OPN5: variants seen among roughly 807,000 people sequenced by gnomAD.
The protein encoded by OPN5 is opsin-5.
In OPN5, 18 loss-of-function variants were observed where a neutral mutation model predicts 41.7. The ratio of observed to expected loss-of-function variants is 0.43; its 90% CI spans 0.30 to 0.64. The LOEUF is 0.64. Among genes scored for constraint, OPN5 ranks in the 30% least tolerant of loss-of-function variants. The probability of loss-of-function intolerance (pLI) is 0.13; values close to 1 mark genes in which losing one functional copy is unlikely to be tolerated. For missense variants in OPN5, 318 were observed against 434.5 expected (o/e 0.73, Z 2.38); for synonymous variants, 178 against 164.3 (o/e 1.08, Z -0.64).
Position 47,814,584 on chromosome 6 carries a change from A to AG in OPN5, c.1056+2854dup, listed in dbSNP as rs201703946. 6.4e-3 allele frequency among the ~76,000 whole-genome samples: 973 copies of AG among 152,202 alleles called. 8 individuals carry two copies. Among genetic ancestry groups the AG allele is most frequent in the Admixed American group, 6.4e-3 (98 of 15,272 alleles). On this transcript the variant is annotated intron_variant, in intron 6 of 6. Coordinates refer to ENST00000371211, the Ensembl canonical transcript of OPN5. Reference sequence around the variant, plus strand: ...AGCTGGGAGGCACCAGAATTGATAGAGATGTGGTCCTTGGGGTAGAATGGA... The same window carrying AG: ...AGCTGGGAGGCACCAGAATTGATAGAGGATGTGGTCCTTGGGGTAGAATGGA...
intron 6 of OPN5, among the ~76,000 whole-genome samples, chr6:47,823,202 A>G (rs1209113982): frequency 2.0e-5 from 3 of 152,226 alleles, no homozygotes; most frequent in Non-Finnish European, 4.4e-5. Context: ...CAGAAAAGGC[A>G]GAGTCAGGGG....
chr6:47,813,113 C>CAACAACAACAAA (rs1341179581), intron 6 of OPN5, among the ~76,000 whole-genome samples: 5 of 114,486 alleles, frequency 4.4e-5, no homozygotes, highest in African/African-American at 1.4e-4. Context: ...ACAACAACAA[C>CAACAACAACAAA]AAGCAACAAC....
chr6:47,811,745 T>C lies in OPN5; in HGVS notation c.1056+14T>C. 6.4e-7 allele frequency: 1 copy of C among 1,560,480 alleles called. No individual in the cohort carries two copies. Among genetic ancestry groups the C allele is most frequent in the East Asian group, 2.2e-5 (1 of 44,616 alleles). On this transcript the variant is annotated intron_variant, in intron 6 of 6. Transcript: ENST00000371211. ...ATTCATGAAGAGGTATGAAGATGGATACAGCATCACTATGGACACTCGTAT... is the reference window on the plus strand; with the variant it reads ...ATTCATGAAGAGGTATGAAGATGGACACAGCATCACTATGGACACTCGTAT...
intron 1 of OPN5, among the ~76,000 whole-genome samples, chr6:47,785,412 A>G (rs1437641836): frequency 6.6e-6 from 1 of 152,194 alleles, no homozygotes; most frequent in Admixed American, 6.5e-5. Flanking sequence ...AGCACAATGC[A>G]GTTAGTTCCT....
At chr6:47,816,051 A>G (rs1247165798) in intron 6 of OPN5, among the ~76,000 whole-genome samples, 1 of 152,154 alleles carries the variant, frequency 6.6e-6, no homozygotes, top group Non-Finnish European at 1.5e-5. Context: ...TCTTTCAGGT[A>G]TACACGTGCT....
intron 4 of OPN5, among the ~76,000 whole-genome samples, chr6:47,806,881 G>A (rs1328334577): frequency 6.6e-6 from 1 of 152,230 alleles, no homozygotes; most frequent in Non-Finnish European, 1.5e-5. Context: ...CAGTAGGCCA[G>A]GCGCGATGGC....
intron 4 of OPN5, among the ~76,000 whole-genome samples, chr6:47,798,688 A>G (rs1773659160): frequency 6.6e-6 from 1 of 152,060 alleles, no homozygotes; most frequent in African/African-American, 2.4e-5. Flanking sequence ...AGAAAATGTA[A>G]GACAAAATTT....
intron 6 of OPN5, among the ~76,000 whole-genome samples, chr6:47,817,302 G>T (rs765591822): frequency 1.3e-5 from 2 of 152,124 alleles, no homozygotes; most frequent in Non-Finnish European, 2.9e-5. Flanking sequence ...ACTTCTTACT[G>T]TAGATTTTTT....
chr6:47,787,040 T>C (rs1773213944), intron 2 of OPN5: 16 of 988,800 alleles, frequency 1.6e-5, no homozygotes, highest in Non-Finnish European at 1.7e-5. Context: ...AACAAAGGAA[T>C]CTTGAAGGGT....
At chr6:47,786,693 C>G in intron 2 of OPN5, 59 bp downstream of exon 2, 1 of 1,482,108 alleles carries the variant, frequency 6.7e-7, no homozygotes, top group East Asian at 2.3e-5. Context: ...TTCTAAAGTA[C>G]TCACTGTCTC....
chr6:47,822,218 T>C (rs1389717803), intron 6 of OPN5, among the ~76,000 whole-genome samples: 1 of 151,566 alleles, frequency 6.6e-6, no homozygotes, highest in Non-Finnish European at 1.5e-5. Context: ...CCAGGGAAAA[T>C]ACATCCATAT....
intron 3 of OPN5, chr6:47,793,917 C>T (rs1773460541): frequency 3.4e-6 from 1 of 292,744 alleles, no homozygotes. Flanking sequence ...ATTGTGGCTA[C>T]ATGATTGCCA....
intron 4 of OPN5, among the ~76,000 whole-genome samples, chr6:47,799,953 T>TC (rs11376082): frequency 0.14 from 21,405 of 152,192 alleles, 1,608 homozygotes; most frequent in Middle Eastern, 0.17. Flanking sequence ...TCACTTTTTT[T>TC]CCCCACACTC....
exon 1 of OPN5, chr6:47,782,105 C>T (rs1283032435): frequency 1.2e-6 from 2 of 1,613,462 alleles, no homozygotes; most frequent in Admixed American, 3.3e-5. Context: ...AGGACGAGCG[C>T]CTGCCCCATT....
chr6:47,812,755 C>G (rs1345136953), intron 6 of OPN5, among the ~76,000 whole-genome samples: 2 of 152,144 alleles, frequency 1.3e-5, no homozygotes, highest in African/African-American at 4.8e-5. Context: ...ATTCCATCTA[C>G]CTCCCCTTCT....
chr6:47,791,545 T>C (rs1216792445), intron 2 of OPN5, among the ~76,000 whole-genome samples: 1 of 152,234 alleles, frequency 6.6e-6, no homozygotes, highest in Non-Finnish European at 1.5e-5. Flanking sequence ...ATAATTACTT[T>C]AAAGTTTTCC....
exon 7 of OPN5, chr6:47,824,171 A>G (rs1226184497): frequency 9.8e-6 from 6 of 609,590 alleles, no homozygotes; most frequent in Admixed American, 2.8e-5. Flanking sequence ...GTATCCAAGT[A>G]TCTTAACTGA....
intron 5 of OPN5, among the ~76,000 whole-genome samples, chr6:47,808,634 A>G (rs1388802280): frequency 6.6e-6 from 1 of 152,212 alleles, no homozygotes; most frequent in Non-Finnish European, 1.5e-5. Context: ...AGCAACTAAG[A>G]TACAGAGATG....
chr6:47,785,150 C>T (rs139555302), intron 1 of OPN5, among the ~76,000 whole-genome samples: 48 of 152,210 alleles, frequency 3.2e-4, no homozygotes, highest in Non-Finnish European at 4.6e-4. Flanking sequence ...GTGTATCAAA[C>T]GAAAATGGAT....
Sources: gnomAD v4.1 joint callset for allele counts (sites outside exome capture counted in the v4.1 genomes callset) on GRCh38, gnomAD v4.1.1 for gene constraint, MANE v1.5 for transcripts, NCBI Gene and HGNC (gene_info 2026-07-23, HGNC 2026-07-21) for gene names.